Variants in TAFA1 observed in about 807,000 individuals in gnomAD.
TAFA1 encodes the protein TAFA chemokine like family member 1.
In TAFA1, 4 loss-of-function variants were observed where a neutral mutation model predicts 18.5. The observed-to-expected ratio is 0.22, with a 90% CI of 0.11 to 0.49. The LOEUF (loss-of-function observed/expected upper bound fraction) is 0.49, where lower values mean the gene tolerates loss of function less well. Among genes scored for constraint, TAFA1 ranks in the 20% least tolerant of loss-of-function variants. The pLI, the probability that TAFA1 is intolerant of heterozygous loss-of-function variation, is 0.98. For synonymous variants in TAFA1, 56 were observed against 55.2 expected (o/e 1.01, Z -0.06); for missense variants, 147 against 169.0 (o/e 0.87, Z 0.72).
At chr3:68,297,445 C>T (rs1433183773) in intron 2 of TAFA1, among the ~76,000 whole-genome samples, 1 of 152,158 alleles carries the variant, frequency 6.6e-6, no homozygotes, top group Non-Finnish European at 1.5e-5. Context: ...ATGACAGAGA[C>T]ACCACAGCTA....
At chr3:68,403,859 T>G (rs529343442) in intron 2 of TAFA1, among the ~76,000 whole-genome samples, 2 of 152,346 alleles carry the variant, frequency 1.3e-5, no homozygotes, top group South Asian at 4.1e-4. Context: ...GGTAGTGATA[T>G]GTCAAGTCTG....
At chr3:68,354,364 C>T (rs1424666917) in intron 2 of TAFA1, among the ~76,000 whole-genome samples, 1 of 151,940 alleles carries the variant, frequency 6.6e-6, no homozygotes, top group Admixed American at 6.6e-5. Flanking sequence ...CCTGTGTTTC[C>T]ATCTAGCAGT....
intron 4 of TAFA1, 36 bp from the exon 5 acceptor site, chr3:68,544,450 G>GT: frequency 1.2e-6 from 2 of 1,609,768 alleles, no homozygotes; most frequent in Non-Finnish European, 1.7e-6. Flanking sequence ...AGTTTGCACT[G>GT]TTCTCCCTGA....
At chr3:68,159,680 G>C (rs1374527653) in intron 2 of TAFA1, among the ~76,000 whole-genome samples, 4 of 152,070 alleles carry the variant, frequency 2.6e-5, no homozygotes, top group African/African-American at 4.8e-5. Flanking sequence ...TGCCTCAAGA[G>C]ATAACAGTTG....
At chr3:68,050,309 A>C (rs1270479972) in intron 2 of TAFA1, among the ~76,000 whole-genome samples, 1 of 152,144 alleles carries the variant, frequency 6.6e-6, no homozygotes, top group Non-Finnish European at 1.5e-5. Flanking sequence ...TATCACCCTC[A>C]GACTCTTTGA....
intron 3 of TAFA1, among the ~76,000 whole-genome samples, chr3:68,496,745 A>T (rs2072556695): frequency 6.6e-6 from 1 of 152,178 alleles, no homozygotes; most frequent in Admixed American, 6.5e-5. Flanking sequence ...TGCCGTAATT[A>T]TGCATGTAAA....
At chr3:68,190,996 A>C (rs1018152514) in intron 2 of TAFA1, among the ~76,000 whole-genome samples, 1 of 151,762 alleles carries the variant, frequency 6.6e-6, no homozygotes, top group Non-Finnish European at 1.5e-5. Flanking sequence ...TATGTTTTAA[A>C]AACCTTAAGA....
chr3:68,276,848 T>G (rs1399100454), intron 2 of TAFA1, among the ~76,000 whole-genome samples: 1 of 152,134 alleles, frequency 6.6e-6, no homozygotes, highest in Non-Finnish European at 1.5e-5. Flanking sequence ...TTAAAATCTG[T>G]AGAATAACAC....
intron 3 of TAFA1, among the ~76,000 whole-genome samples, chr3:68,521,957 T>C (rs1402931234): frequency 1.4e-5 from 2 of 141,602 alleles, no homozygotes; most frequent in Admixed American, 7.6e-5. Context: ...ATGATCCTCC[T>C]GCCTCAGCCT....
At chr3:68,068,826 C>T (rs2064716050) in intron 2 of TAFA1, among the ~76,000 whole-genome samples, 1 of 152,158 alleles carries the variant, frequency 6.6e-6, no homozygotes. Flanking sequence ...ATAAAAACAA[C>T]AGGGGCTAAC....
intron 2 of TAFA1, among the ~76,000 whole-genome samples, chr3:68,332,737 G>A (rs2106734116): frequency 6.6e-6 from 1 of 152,186 alleles, no homozygotes; most frequent in South Asian, 2.1e-4. Context: ...CTCTTAGAAT[G>A]GCTGTTATCA....
intron 2 of TAFA1, among the ~76,000 whole-genome samples, chr3:68,361,103 G>A (rs1365671437): frequency 6.6e-6 from 1 of 151,914 alleles, no homozygotes; most frequent in Admixed American, 6.6e-5. Context: ...TATTGTATAG[G>A]TGGGAAGTCA....
At chr3:68,159,773 C>T (rs553249780) in intron 2 of TAFA1, among the ~76,000 whole-genome samples, 22 of 152,254 alleles carry the variant, frequency 1.4e-4, no homozygotes, top group East Asian at 1.4e-3. Flanking sequence ...TTTATGCCCA[C>T]GAAGACACCA....
Position 68,415,753 on chromosome 3 carries a change from C to G in TAFA1, c.119-1527C>G, listed in dbSNP as rs151109772. ...TTCTCTCTGTTTATACTCACACAACCCTGTGATACAGGTGTTATTATTATT... is the reference window on the plus strand; with the variant it reads ...TTCTCTCTGTTTATACTCACACAACGCTGTGATACAGGTGTTATTATTATT... On this transcript the variant is annotated intron_variant, in intron 2 of 4. Coordinates refer to ENST00000478136, the MANE Select transcript of TAFA1 (RefSeq NM_213609.4). Among the ~76,000 whole-genome samples, 55 of 152,136 alleles carry G rather than the reference C, an allele frequency of 3.6e-4. No individual in the cohort carries two copies. The East Asian group carries it at 9.1e-3, about 25-fold the overall frequency.
At chr3:68,346,554 A>G (rs79259343) in intron 2 of TAFA1, among the ~76,000 whole-genome samples, 2,315 of 152,308 alleles carry the variant, frequency 0.015, 61 homozygotes, top group African/African-American at 0.053. Context: ...ATTTTAAAGC[A>G]ACAGTATTTG....
At chr3:68,357,334 C>T (rs2069385371) in intron 2 of TAFA1, among the ~76,000 whole-genome samples, 4 of 151,490 alleles carry the variant, frequency 2.6e-5, no homozygotes, top group Admixed American at 2.6e-4. Context: ...TCACTTTAAC[C>T]ATTGATGGAT....
At chr3:68,519,527 G>A (rs909183973) in intron 3 of TAFA1, among the ~76,000 whole-genome samples, 2 of 152,188 alleles carry the variant, frequency 1.3e-5, no homozygotes, top group African/African-American at 4.8e-5. Flanking sequence ...AAATTCATAT[G>A]TATGTGCTAT....
intron 2 of TAFA1, among the ~76,000 whole-genome samples, chr3:68,118,041 G>A (rs994796100): frequency 1.3e-5 from 2 of 152,098 alleles, no homozygotes; most frequent in Admixed American, 6.5e-5. Flanking sequence ...TTCATGGACC[G>A]AGGGTGGGAT....
At chr3:68,102,900 C>T (rs2065164473) in intron 2 of TAFA1, among the ~76,000 whole-genome samples, 2 of 152,178 alleles carry the variant, frequency 1.3e-5, no homozygotes, top group East Asian at 1.9e-4. Flanking sequence ...CTGTGTCCAT[C>T]CAGAACCAGT....
Sources: allele counts gnomAD v4.1 joint callset (sites outside exome capture counted in the v4.1 genomes callset), GRCh38; gene constraint gnomAD v4.1.1; transcripts MANE v1.5; gene names NCBI Gene and HGNC (gene_info 2026-07-23, HGNC 2026-07-21).